The following CACNB2 variants were observed in gnomAD, a reference collection of about 807,000 sequenced individuals.
CACNB2 encodes voltage-dependent L-type calcium channel subunit beta-2.
A neutral mutation model predicts 73.3 loss-of-function variants in CACNB2; 42 were observed. The ratio of observed to expected loss-of-function variants is 0.57; its 90% CI spans 0.45 to 0.74. CACNB2 has a LOEUF of 0.74. Among genes scored for constraint, CACNB2 ranks in the 30% least tolerant of loss-of-function variants. The pLI is 0.00. For missense variants in CACNB2, 940 were observed against 853.0 expected, an observed-to-expected ratio of 1.10 and a Z score of -1.27; for synonymous variants, 348 against 310.3, an observed-to-expected ratio of 1.12 and a Z score of -1.28.
intron 2 of CACNB2, among the ~76,000 whole-genome samples, chr10:18,322,553 T>C (rs1243413211): frequency 6.6e-6 from 1 of 152,200 alleles, no homozygotes; most frequent in Non-Finnish European, 1.5e-5. Flanking sequence ...GAAACAAAGA[T>C]CTGAGAGCAA....
chr10:18,230,384 T>G (rs2036179843), intron 2 of CACNB2, among the ~76,000 whole-genome samples: 1 of 152,216 alleles, frequency 6.6e-6, no homozygotes, highest in Non-Finnish European at 1.5e-5. Flanking sequence ...CTCGATCTTT[T>G]TTTTGTACTG....
At chr10:18,499,247 G>A (rs2050025141) in intron 4 of CACNB2, among the ~76,000 whole-genome samples, 1 of 152,162 alleles carries the variant, frequency 6.6e-6, no homozygotes, top group South Asian at 2.1e-4. Flanking sequence ...TATATAATAT[G>A]TCATAGGAAG....
intron 3 of CACNB2, among the ~76,000 whole-genome samples, chr10:18,454,414 T>C (rs1338834691): frequency 6.6e-6 from 1 of 152,182 alleles, no homozygotes; most frequent in Non-Finnish European, 1.5e-5. Context: ...CCTCCCTCCA[T>C]AAAATTTCAT....
chr10:18,458,434 G>C (rs568877661), intron 3 of CACNB2, among the ~76,000 whole-genome samples: 20 of 152,146 alleles, frequency 1.3e-4, no homozygotes, highest in Admixed American at 6.6e-5. Context: ...AATTGTGTCT[G>C]TTTCATTTAC....
At chr10:18,497,566 C>T (rs1403255246) in intron 3 of CACNB2, among the ~76,000 whole-genome samples, 1 of 151,994 alleles carries the variant, frequency 6.6e-6, no homozygotes, top group Non-Finnish European at 1.5e-5. Context: ...AGTATAGGTG[C>T]CTGCCACCAC....
chr10:18,454,940 G>A (rs2047202648), intron 3 of CACNB2, among the ~76,000 whole-genome samples: 1 of 151,896 alleles, frequency 6.6e-6, no homozygotes. Flanking sequence ...TGCTGTGGAG[G>A]CCAAGGTGGG....
chr10:18,333,442 T>TA (rs59709475), intron 2 of CACNB2, among the ~76,000 whole-genome samples: 32,210 of 146,572 alleles, frequency 0.22, 3,602 homozygotes, highest in Middle Eastern at 0.31. Flanking sequence ...TTGTTAATGT[T>TA]AAAAAAAAAA....
chr10:18,357,611 A>G (rs1177742035), intron 2 of CACNB2, among the ~76,000 whole-genome samples: 1 of 152,228 alleles, frequency 6.6e-6, no homozygotes, highest in Admixed American at 6.5e-5. Flanking sequence ...TGGAAAATTC[A>G]GTATATTTTA....
intron 3 of CACNB2, among the ~76,000 whole-genome samples, chr10:18,469,951 A>G (rs1339357512): frequency 2.0e-5 from 3 of 152,168 alleles, no homozygotes; most frequent in African/African-American, 7.2e-5. Context: ...GGTTCTATTC[A>G]TCTTTGAATA....
intron 3 of CACNB2, among the ~76,000 whole-genome samples, chr10:18,430,131 TA>T (rs35215145): frequency 0.62 from 92,392 of 149,584 alleles, 28,729 homozygotes; most frequent in African/African-American, 0.66. Context: ...AAGAAGATGT[TA>T]AAAAAAAAAA....
At chr10:18,395,843 C>T (rs1018678686) in intron 2 of CACNB2, among the ~76,000 whole-genome samples, 3 of 152,166 alleles carry the variant, frequency 2.0e-5, no homozygotes, top group Non-Finnish European at 2.9e-5. Flanking sequence ...AATAATTACA[C>T]GACAGTTTGC....
chr10:18,532,715 AAAC>A (rs1330965257), intron 10 of CACNB2, among the ~76,000 whole-genome samples: 9 of 150,324 alleles, frequency 6.0e-5, no homozygotes, highest in Non-Finnish European at 1.0e-4. Context: ...AAAAACAAAC[AAAC>A]AAAAAAAACA....
intron 3 of CACNB2, among the ~76,000 whole-genome samples, chr10:18,430,012 A>G (rs946186870): frequency 2.0e-5 from 3 of 151,948 alleles, no homozygotes; most frequent in Non-Finnish European, 4.4e-5. Flanking sequence ...ACTTAGCTCC[A>G]TTGCCAGAAT....
intron 10 of CACNB2, among the ~76,000 whole-genome samples, chr10:18,530,118 C>G (rs1242238070): frequency 6.6e-6 from 1 of 152,166 alleles, no homozygotes; most frequent in East Asian, 1.9e-4. Flanking sequence ...CAATTACCCC[C>G]CACCAGGTCC....
chr10:18,521,106 C>G (rs577594307), intron 9 of CACNB2, among the ~76,000 whole-genome samples: 2 of 152,164 alleles, frequency 1.3e-5, no homozygotes, highest in African/African-American at 4.8e-5. Context: ...TAGAGAAATG[C>G]GGAGATGGTG....
At chr10:18,349,282 G>C (rs905256582) in intron 2 of CACNB2, among the ~76,000 whole-genome samples, 4 of 152,154 alleles carry the variant, frequency 2.6e-5, no homozygotes, top group African/African-American at 7.2e-5. Flanking sequence ...TGGAACAACT[G>C]GTTGGTGAAA....
intron 2 of CACNB2, among the ~76,000 whole-genome samples, chr10:18,199,598 A>G (rs2034784103): frequency 6.6e-6 from 1 of 152,152 alleles, no homozygotes; most frequent in Admixed American, 6.5e-5. Flanking sequence ...TTGTCAAGGG[A>G]TAAGGGTTTG....
At chr10:18,284,327 C>G (rs983809219) in intron 2 of CACNB2, among the ~76,000 whole-genome samples, 60 of 152,192 alleles carry the variant, frequency 3.9e-4, no homozygotes, top group African/African-American at 1.4e-3. Flanking sequence ...TACCTCCTAC[C>G]AGGTCCCTCC....
chr10:18,199,063 G>C (rs1207571377), intron 2 of CACNB2, among the ~76,000 whole-genome samples: 2 of 152,052 alleles, frequency 1.3e-5, no homozygotes, highest in Non-Finnish European at 2.9e-5. Flanking sequence ...CAACTCATAG[G>C]TGCTAATAAG....
Sources: gnomAD v4.1 joint callset for allele counts (sites outside exome capture counted in the v4.1 genomes callset) on GRCh38, gnomAD v4.1.1 for gene constraint, MANE v1.5 for transcripts, NCBI Gene and HGNC (gene_info 2026-07-23, HGNC 2026-07-21) for gene names.